Variants in DNMT3A observed in about 807,000 individuals in gnomAD.
DNMT3A encodes the protein DNA methyltransferase 3 alpha.
DNMT3A carries 267 observed loss-of-function variants against 117.6 expected under a neutral mutation model. That is an observed-to-expected ratio of 2.27 (90% CI 2.05 to 2.51). The LOEUF is 2.51. Among genes scored for constraint, DNMT3A ranks in the 30% most tolerant of loss-of-function variants. The probability of loss-of-function intolerance (pLI) is 0.00; values close to 1 mark genes in which losing one functional copy is unlikely to be tolerated. For synonymous variants in DNMT3A, 432 were observed against 474.8 expected, an observed-to-expected ratio of 0.91 and a Z score of 1.17; for missense variants, 1,029 against 1,260.2, an observed-to-expected ratio of 0.82 and a Z score of 2.78.
At chr2:25,265,393 G>T (rs1481883565) in intron 6 of DNMT3A, among the ~76,000 whole-genome samples, 1 of 152,138 alleles carries the variant, frequency 6.6e-6, no homozygotes, top group East Asian at 1.9e-4. Context: ...TAGTCATTTG[G>T]GTACACAACA....
In DNMT3A at chr2:25,329,007, G is replaced by A. The variant is rs565285336; in HGVS notation, c.-178+12819C>T. ...CAGCTCCCTCTTGGGTCAAAACCAG[G>A]AGGTCCCCCAAAGGGTCTTCAGGGC... On this transcript the variant is annotated intron_variant, in intron 1 of 22. Coordinates refer to ENST00000321117, the MANE Select transcript of DNMT3A (RefSeq NM_022552.5). 4.6e-5 allele frequency among the ~76,000 whole-genome samples: 7 copies of A among 152,286 alleles called. No homozygotes were observed. The South Asian group carries it at 1.0e-3, about 23-fold the overall frequency.
At chr2:25,300,294 A>C (rs775364665) in intron 2 of DNMT3A, 51 bp from the exon 3 acceptor site, 1 of 1,584,264 alleles carries the variant, frequency 6.3e-7, no homozygotes, top group Non-Finnish European at 8.5e-7. Flanking sequence ...CCAGCAGTGT[A>C]GCATTCCAGG....
chr2:25,247,167 A>G lies in DNMT3A; in HGVS notation c.1015-9T>C, dbSNP rs368151491. ...AGCTTCTCAACACACACCTGGGGGG[A>G]CAAGCCAGGCCTTGTTTGCCGAGGC... On this transcript the variant is annotated splice_polypyrimidine_tract_variant and intron_variant, in intron 8 of 22. Transcript: ENST00000321117. The surrounding 1 kb of genome is among the most constrained non-coding windows in gnomAD (Gnocchi z 5.6). The G allele has an allele frequency of 3.7e-6, 6 of 1,612,942 alleles. No homozygotes were observed. The African/African-American group carries it at 5.3e-5, about 14-fold the overall frequency.
intron 4 of DNMT3A, 29 bp from the exon 5 acceptor site, chr2:25,275,572 G>A: frequency 6.4e-7 from 1 of 1,553,034 alleles, no homozygotes; most frequent in South Asian, 1.2e-5. Context: ...AAAGGGACCA[G>A]TTCGTTGGTC....
intron 17 of DNMT3A, among the ~76,000 whole-genome samples, chr2:25,241,188 A>G (rs187348339): frequency 6.6e-4 from 101 of 152,314 alleles, no homozygotes; most frequent in African/African-American, 2.2e-3. Flanking sequence ...GGAGGACAGG[A>G]ACCTCTCTCT....
intron 4 of DNMT3A, among the ~76,000 whole-genome samples, chr2:25,278,728 A>G (rs1292007144): frequency 6.6e-6 from 1 of 152,168 alleles, no homozygotes; most frequent in Admixed American, 6.5e-5. Context: ...CCGGAGGCTG[A>G]GGCAGGAGAA....
intron 3 of DNMT3A, among the ~76,000 whole-genome samples, chr2:25,289,101 T>C (rs2032550236): frequency 6.6e-6 from 1 of 151,966 alleles, no homozygotes; most frequent in African/African-American, 2.4e-5. Flanking sequence ...CCTTGCCTTA[T>C]TTAACTTTTT....
rs914439921 is a variant in DNMT3A, at chr2:25,281,949, G to T, written c.448+492C>A. ...CTCTGCACTCAGGGAGGCAAACAGGGTATCTGCTGCCCTTGAGTGCCCAGG... is the reference window on the plus strand; with the variant it reads ...CTCTGCACTCAGGGAGGCAAACAGGTTATCTGCTGCCCTTGAGTGCCCAGG... On this transcript the variant is annotated intron_variant, in intron 4 of 22. Transcript: ENST00000321117. The surrounding 1 kb of genome is among the most constrained non-coding windows in gnomAD (Gnocchi z 4.8). 23 of 1,084,904 alleles carry T rather than the reference G, an allele frequency of 2.1e-5. No individual in the cohort carries two copies. Among genetic ancestry groups the T allele is most frequent in the Admixed American group, 4.7e-5 (1 of 21,404 alleles). The allele number at this position is 1,084,904 out of a possible 1,614,324, so 67.2% of individuals were successfully genotyped here.
Position 25,293,910 on chromosome 2 carries a change from A to T in DNMT3A, c.177+6229T>A, listed in dbSNP as rs2032935216. Among the ~76,000 whole-genome samples, 1 of 152,274 alleles carries T rather than the reference A, an allele frequency of 6.6e-6. No individual in the cohort carries two copies. The highest frequency in any genetic ancestry group is 2.1e-4 in the South Asian group (1 of 4,820). On this transcript the variant is annotated intron_variant, in intron 3 of 22. Coordinates refer to ENST00000321117, the MANE Select transcript of DNMT3A (RefSeq NM_022552.5). This position sits in a 1 kb window ranked among gnomAD's most constrained non-coding sequence, Gnocchi z 4.7. ...GGTCTCGAATTCCTGGCCTCAAGTG[A>T]TCCACCTGCCTCAGCCTCTCAAAGT... is the stretch of plus-strand genomic sequence containing the variant.
intron 6 of DNMT3A, among the ~76,000 whole-genome samples, chr2:25,251,686 C>T (rs1438271398): frequency 6.6e-6 from 1 of 152,232 alleles, no homozygotes; most frequent in Non-Finnish European, 1.5e-5. Context: ...CCGCCCCCCA[C>T]CACTTCTTTC....
Position 25,339,024 on chromosome 2 carries a change from G to A in DNMT3A, c.-178+2802C>T, listed in dbSNP as rs916376277. ...TTACACCCTCTGCAGAGTCGGACGT[G>A]ACCAACCCGTCTCTTGCAGGGACCC... is the stretch of plus-strand genomic sequence containing the variant. On this transcript the variant is annotated intron_variant, in intron 1 of 22. Coordinates refer to ENST00000321117, the MANE Select transcript of DNMT3A (RefSeq NM_022552.5). This position sits in a 1 kb window ranked among gnomAD's most constrained non-coding sequence, Gnocchi z 4.9. Among the ~76,000 whole-genome samples, 13 of 151,998 alleles carry A rather than the reference G, an allele frequency of 8.6e-5. No homozygotes were observed. Among genetic ancestry groups the A allele is most frequent in the Non-Finnish European group, 4.4e-5 (3 of 68,008 alleles).
At chr2:25,249,209 T>G (rs906206959) in intron 6 of DNMT3A, among the ~76,000 whole-genome samples, 1 of 152,164 alleles carries the variant, frequency 6.6e-6, no homozygotes, top group Non-Finnish European at 1.5e-5. Context: ...CTGGGCAACA[T>G]AGCAAGACCC....
intron 2 of DNMT3A, among the ~76,000 whole-genome samples, chr2:25,309,497 G>A (rs80351073): frequency 0.029 from 4,379 of 152,258 alleles, 80 homozygotes; most frequent in Non-Finnish European, 0.046. Flanking sequence ...GCAGTGAAAG[G>A]CTTTCTCCTG....
At chr2:25,274,099 C>G (rs2149363871) in intron 6 of DNMT3A, among the ~76,000 whole-genome samples, 1 of 152,334 alleles carries the variant, frequency 6.6e-6, no homozygotes, top group Admixed American at 6.5e-5. Flanking sequence ...ACACGGAGCC[C>G]TCAATTCCCA....
chr2:25,328,719 T>C (rs577169496), intron 1 of DNMT3A: 22 of 510,346 alleles, frequency 4.3e-5, no homozygotes, highest in Admixed American at 1.3e-4. Context: ...CCCCCCACAA[T>C]CCCCATTCTA....
chr2:25,300,826 T>G lies in DNMT3A; in HGVS notation c.73-583A>C, dbSNP rs554931242. On this transcript the variant is annotated intron_variant, in intron 2 of 22. Transcript: ENST00000321117. Reference sequence around the variant, plus strand: ...GACGCTGCTGTCCCCCCGGAAGGCATCTCTCTCTCTTTATGACCACATTTT... The same window carrying G: ...GACGCTGCTGTCCCCCCGGAAGGCAGCTCTCTCTCTTTATGACCACATTTT... Among the ~76,000 whole-genome samples, 3 of 135,404 alleles carry G rather than the reference T, an allele frequency of 2.2e-5. No homozygotes were observed. In the East Asian group the frequency reaches 6.8e-4, roughly 30 times the overall value. The allele number at this position is 135,404 out of a possible 152,430, so 88.8% of individuals were successfully genotyped here. A position where few individuals can be genotyped will look rare whatever the true frequency, so the allele number is the denominator to read the frequency against.
chr2:25,323,141 T>C (rs2034660695), intron 1 of DNMT3A, among the ~76,000 whole-genome samples: 1 of 152,108 alleles, frequency 6.6e-6, no homozygotes, highest in Admixed American at 6.6e-5. Flanking sequence ...ATCAGAGGCC[T>C]CCCTGGAACC....
Position 25,233,065 on chromosome 2 carries a change from A to T in DNMT3A, c.*1214T>A, listed in dbSNP as rs1448878132. ...GATTAGTTCTGATCCCACCACAAGG[A>T]GCCCTCGAATTGGCTAAAGTGAGAA... On this transcript the variant is annotated 3_prime_UTR_variant, in exon 23 of 23. Transcript: ENST00000321117. 4.3e-6 allele frequency: 1 copy of T among 233,538 alleles called. No homozygotes were observed. Among genetic ancestry groups the T allele is most frequent in the African/African-American group, 2.2e-5 (1 of 45,334 alleles). 14.5% of individuals were successfully genotyped at this position (233,538 alleles called of 1,614,324 possible).
rs947868847 is a variant in DNMT3A, at chr2:25,334,751, C to T, written c.-178+7075G>A. 5.3e-5 allele frequency among the ~76,000 whole-genome samples: 8 copies of T among 152,192 alleles called. No individual in the cohort carries two copies. The South Asian group carries it at 6.2e-4, about 12-fold the overall frequency. Reference sequence around the variant, plus strand: ...CTTTGCTCAGAGGCCTTAATATCTGCGATATTTCTCCCTGCAACCTTTCCG... The same window carrying T: ...CTTTGCTCAGAGGCCTTAATATCTGTGATATTTCTCCCTGCAACCTTTCCG... On this transcript the variant is annotated intron_variant, in intron 1 of 22. Coordinates refer to ENST00000321117, the MANE Select transcript of DNMT3A (RefSeq NM_022552.5).
Sources: gnomAD v4.1 joint callset for allele counts (sites outside exome capture counted in the v4.1 genomes callset) on GRCh38, gnomAD v4.1.1 for gene constraint, Gnocchi (gnomAD v3.1) non-coding constraint, MANE v1.5 for transcripts, NCBI Gene and HGNC (gene_info 2026-07-23, HGNC 2026-07-21) for gene names.